The following RALGPS2 variants were observed in gnomAD, a reference collection of about 807,000 sequenced individuals.
RALGPS2 encodes the protein Ral GEF with PH domain and SH3 binding motif 2, also known as ras-specific guanine nucleotide-releasing factor RalGPS2.
Under a neutral mutation model 86.8 loss-of-function variants are expected in RALGPS2, and 43 were observed. That is an observed-to-expected ratio of 0.50 (90% confidence interval 0.39 to 0.64). RALGPS2 has a LOEUF of 0.64. RALGPS2 is among the 30% of genes least tolerant of loss of function. RALGPS2 has a pLI of 0.00. For synonymous variants in RALGPS2, 243 were observed against 231.3 expected (o/e 1.05, Z -0.46); for missense variants, 536 against 694.6 (o/e 0.77, Z 2.57).
At chr1:178,881,490 C>G (rs1659245224) in intron 10 of RALGPS2, among the ~76,000 whole-genome samples, 1 of 152,152 alleles carries the variant, frequency 6.6e-6, no homozygotes, top group Admixed American at 6.5e-5. Context: ...CACTCTGTTT[C>G]CCAGTTTGGA....
chr1:178,824,225 T>A (rs1005257197), intron 7 of RALGPS2, among the ~76,000 whole-genome samples: 1 of 152,028 alleles, frequency 6.6e-6, no homozygotes, highest in Admixed American at 6.6e-5. Flanking sequence ...AGAATGGTGA[T>A]GAAGAAGTGG....
intron 7 of RALGPS2, among the ~76,000 whole-genome samples, chr1:178,827,638 G>A (rs1028090343): frequency 9.2e-5 from 14 of 151,788 alleles, no homozygotes; most frequent in Middle Eastern, 3.2e-3. Context: ...CTCGTGATCC[G>A]CCCGCCTCGG....
At chr1:178,868,158 A>G (rs1658535570) in intron 8 of RALGPS2, among the ~76,000 whole-genome samples, 1 of 151,900 alleles carries the variant, frequency 6.6e-6, no homozygotes, top group South Asian at 2.1e-4. Flanking sequence ...ACATATATAG[A>G]AAATTTAGAA....
chr1:178,850,149 A>G (rs559183800), intron 8 of RALGPS2: 4 of 152,766 alleles, frequency 2.6e-5, no homozygotes, highest in Admixed American at 2.6e-4. Context: ...AAAACAGCCA[A>G]CAGTTCCTTG....
At chr1:178,815,050 GT>G (rs1558131472) in intron 6 of RALGPS2, among the ~76,000 whole-genome samples, 1 of 151,796 alleles carries the variant, frequency 6.6e-6, no homozygotes, top group African/African-American at 2.4e-5. Context: ...GTCTTTTATT[GT>G]GTGTGTTTTG....
intron 4 of RALGPS2, among the ~76,000 whole-genome samples, chr1:178,804,253 CTTTT>C: frequency 7.6e-6 from 1 of 132,110 alleles, no homozygotes; most frequent in South Asian, 2.5e-4. Context: ...GCTGTTTCTT[CTTTT>C]TTTTTTTTTT....
intron 1 of RALGPS2, among the ~76,000 whole-genome samples, chr1:178,771,456 T>G (rs1652809263): frequency 6.6e-6 from 1 of 152,220 alleles, no homozygotes; most frequent in South Asian, 2.1e-4. Flanking sequence ...TGTTGTGTCC[T>G]TCCCGGAGTA....
At chr1:178,745,471 G>C (rs373420200) in intron 1 of RALGPS2, among the ~76,000 whole-genome samples, 1 of 152,224 alleles carries the variant, frequency 6.6e-6, no homozygotes, top group African/African-American at 2.4e-5. Context: ...AAGTAAGCCA[G>C]TACATAAATG....
chr1:178,909,927 G>A (rs1660558224), intron 19 of RALGPS2, among the ~76,000 whole-genome samples: 1 of 152,036 alleles, frequency 6.6e-6, no homozygotes. Context: ...GGGATTACAG[G>A]CGTGAGCCAC....
intron 5 of RALGPS2, among the ~76,000 whole-genome samples, chr1:178,810,917 T>C (rs1359800285): frequency 2.6e-5 from 4 of 152,112 alleles, no homozygotes; most frequent in Non-Finnish European, 5.9e-5. Flanking sequence ...AAGCAAACTA[T>C]TCAGAGTAGA....
intron 5 of RALGPS2, among the ~76,000 whole-genome samples, chr1:178,809,542 G>A (rs1215169659): frequency 6.6e-6 from 1 of 151,934 alleles, no homozygotes; most frequent in Non-Finnish European, 1.5e-5. Flanking sequence ...AAAACAGTTT[G>A]TTATATGTAA....
At chr1:178,906,583 T>C (rs1660396689) in intron 18 of RALGPS2, among the ~76,000 whole-genome samples, 193 bp from the exon 19 acceptor site, 1 of 152,148 alleles carries the variant, frequency 6.6e-6, no homozygotes, top group African/African-American at 2.4e-5. Context: ...AGCATGTAAA[T>C]GTGTTGCATC....
intron 19 of RALGPS2, among the ~76,000 whole-genome samples, chr1:178,910,057 C>T (rs1057464641): frequency 6.6e-6 from 1 of 151,992 alleles, no homozygotes; most frequent in Non-Finnish European, 1.5e-5. Context: ...ATTTGGCTCT[C>T]AGTTTGAGTG....
At chr1:178,821,091 G>C (rs1655483276) in intron 6 of RALGPS2, among the ~76,000 whole-genome samples, 1 of 152,162 alleles carries the variant, frequency 6.6e-6, no homozygotes, top group Non-Finnish European at 1.5e-5. Flanking sequence ...GCACGAATGA[G>C]GGAAAAAGGA....
intron 1 of RALGPS2, among the ~76,000 whole-genome samples, chr1:178,736,032 AGTAT>A (rs66982503): frequency 0.08 from 12,205 of 152,146 alleles, 504 homozygotes; most frequent in African/African-American, 0.1. Context: ...TTGGAGGTTA[AGTAT>A]GTTTGCATAC....
rs1647267081 is a variant in RALGPS2 at position 178,920,552 on chromosome 1, G to A, written c.*4193G>A. On this transcript the variant is annotated 3_prime_UTR_variant, in exon 20 of 20. Transcript: ENST00000367635. ...GTAGGTGATTGTTGCAGTCTTCCTT[G>A]GTTTTTGAGTCTTTTTAAACAAGCT... The A allele has an allele frequency of 6.6e-6, 1 of 151,882 alleles. No homozygotes were observed. Among genetic ancestry groups the A allele is most frequent in the Non-Finnish European group, 1.5e-5 (1 of 67,876 alleles). 9.4% of individuals were successfully genotyped at this position (151,882 alleles called of 1,614,324 possible).
At chr1:178,726,061 GGCC>G (rs1649980769) in intron 1 of RALGPS2, 3 of 152,412 alleles carry the variant, frequency 2.0e-5, no homozygotes, top group Non-Finnish European at 4.4e-5. Flanking sequence ...GTGGGGCAGG[GGCC>G]GCAGCCCCAG....
chr1:178,833,538 A>G lies in RALGPS2; in HGVS notation c.595A>G (p.Ile199Val). 6.5e-7 allele frequency: 1 copy of G among 1,531,942 alleles called. No homozygotes were observed. The highest frequency in any genetic ancestry group is 8.7e-7 in the Non-Finnish European group (1 of 1,151,126). 94.9% of individuals were successfully genotyped at this position (1,531,942 alleles called of 1,614,324 possible). The change falls in exon 8 of 20, where the codon ATT becomes GTT. Residue 199 changes from isoleucine (I) to valine (V), a missense_variant. Around this residue, in one of 3 missense-constraint regions of RALGPS2, gnomAD observed 184 missense variants for 296.7 expected, o/e 0.62. Transcript: ENST00000367635. ...YISSLKMTPC[I>V]PYLGIYLSDL... ...AAGTAGCTTAAAGATGACACCTTGC[A>G]TTCCCTATTTAGGTGAGTTATGTCA...
intron 8 of RALGPS2, among the ~76,000 whole-genome samples, chr1:178,858,513 C>G (rs1235819257): frequency 6.6e-6 from 1 of 152,104 alleles, no homozygotes; most frequent in Non-Finnish European, 1.5e-5. Flanking sequence ...ACTGGAATTA[C>G]CTTTCTTTTA....
Sources: allele counts gnomAD v4.1 joint callset (sites outside exome capture counted in the v4.1 genomes callset), GRCh38; gene constraint gnomAD v4.1.1; regional missense constraint gnomAD v4.1.1; transcripts MANE v1.5; gene names NCBI Gene and HGNC (gene_info 2026-07-23, HGNC 2026-07-21).